Variants in HERC2 observed in about 807,000 individuals in gnomAD.
HERC2 encodes the protein E3 ubiquitin-protein ligase HERC2.
In HERC2, 102 loss-of-function variants were observed where a neutral mutation model predicts 537.7. The ratio of observed to expected loss-of-function variants is 0.19; its 90% CI spans 0.16 to 0.22. The LOEUF (loss-of-function observed/expected upper bound fraction) is 0.22. Ranked by LOEUF, HERC2 falls within the 10% of genes least tolerant of loss-of-function variation. The probability of loss-of-function intolerance (pLI) is 1.00; values close to 1 mark genes in which losing one functional copy is unlikely to be tolerated. For missense variants in HERC2, 4,236 were observed against 6,198.2 expected (o/e 0.68, Z 10.63); for synonymous variants, 2,224 against 2,466.2 (o/e 0.90, Z 2.91).
intron 17 of HERC2, 47 bp downstream of exon 17, chr15:28,257,014 C>G (rs760835975): frequency 4.6e-6 from 7 of 1,509,200 alleles, no homozygotes; most frequent in East Asian, 4.5e-5. Context: ...CTTACAAATC[C>G]CTAAGACACT....
chr15:28,244,261 A>G (rs1344903753), intron 23 of HERC2, among the ~76,000 whole-genome samples: 5 of 152,238 alleles, frequency 3.3e-5, no homozygotes, highest in Admixed American at 2.6e-4. Flanking sequence ...TATTCAAACA[A>G]AAGTATACTA....
rs1218106783 is a variant in HERC2 at position 28,222,005 on chromosome 15, G to A, written c.5652+23C>T. 3 of 1,093,116 alleles carry A rather than the reference G, an allele frequency of 2.7e-6. No homozygotes were observed. In the African/African-American group the frequency reaches 4.2e-5, roughly 15 times the overall value. The allele number at this position is 1,093,116 out of a possible 1,614,324, so 67.7% of individuals were successfully genotyped here. A position where few individuals can be genotyped will look rare whatever the true frequency, so the allele number is the denominator to read the frequency against. On this transcript the variant is annotated intron_variant, in intron 36 of 92. Transcript: ENST00000261609. ...AAGATAACTAATGTGTGGCTAATGT[G>A]TTCACATCAAATCTCTGAGTACCTG...
At chr15:28,173,771 C>CCAGCCTGGGCAA (rs778571622) in intron 65 of HERC2, among the ~76,000 whole-genome samples, 16 of 147,008 alleles carry the variant, frequency 1.1e-4, no homozygotes, top group Non-Finnish European at 1.8e-4. Context: ...CCACTGCACT[C>CCAGCCTGGGCAA]CAGAGTGAGA....
rs145116712 is a variant in HERC2 at position 28,167,667 on chromosome 15, AAAG to A, written c.10554+17_10554+19del. 2.5e-3 allele frequency: 4,059 copies of A among 1,613,528 alleles called. 88 individuals carry two copies. The African/African-American group carries it at 0.049, about 19-fold the overall frequency. ...TAAGATTATTTCACAATACAAAGTT[AAAG>A]AAGAACGCCTCTTCACCTCTTTGGT... On this transcript the variant is annotated intron_variant, in intron 68 of 92. Transcript: ENST00000261609.
At chr15:28,257,585 C>A (rs1348291971) in intron 16 of HERC2, among the ~76,000 whole-genome samples, 1 of 152,192 alleles carries the variant, frequency 6.6e-6, no homozygotes, top group African/African-American at 2.4e-5. Context: ...AATAGCAACT[C>A]TAACTAGACA....
intron 5 of HERC2, among the ~76,000 whole-genome samples, chr15:28,277,431 T>C (rs2075903588): frequency 6.6e-6 from 1 of 151,682 alleles, no homozygotes; most frequent in South Asian, 2.1e-4. Context: ...TCTATACTGG[T>C]TCTTACAACT....
At chr15:28,185,238 C>T (rs1896197774) in intron 56 of HERC2, among the ~76,000 whole-genome samples, 1 of 151,988 alleles carries the variant, frequency 6.6e-6, no homozygotes, top group East Asian at 2.0e-4. Flanking sequence ...GTCTATATAA[C>T]GTGCTCAACA....
At chr15:28,317,443 G>A (rs537744502) in intron 2 of HERC2, among the ~76,000 whole-genome samples, 7 of 152,342 alleles carry the variant, frequency 4.6e-5, no homozygotes, top group Admixed American at 1.3e-4. Flanking sequence ...ACATTTATGC[G>A]TAGTCATTCT....
At chr15:28,139,429 C>A (rs1050190833) in intron 78 of HERC2, among the ~76,000 whole-genome samples, 2 of 152,216 alleles carry the variant, frequency 1.3e-5, no homozygotes, top group Non-Finnish European at 2.9e-5. Context: ...GCCAACAGCT[C>A]ATAAGGGACT....
chr15:28,182,558 A>G lies in HERC2; in HGVS notation c.8826-46T>C, dbSNP rs200589745. The G allele has an allele frequency of 1.5e-4, 205 of 1,352,496 alleles. 1 individual carries two copies. The African/African-American group carries it at 2.7e-3, about 18-fold the overall frequency. The allele number at this position is 1,352,496 out of a possible 1,614,324, so 83.8% of individuals were successfully genotyped here. On this transcript the variant is annotated intron_variant, in intron 56 of 92. Transcript: ENST00000261609. Reference sequence around the variant, plus strand: ...AAGAAAAAGAAAAGAGAGGTTATTCAGCATAAAACATTTAAAAAATAAAAA... The same window carrying G: ...AAGAAAAAGAAAAGAGAGGTTATTCGGCATAAAACATTTAAAAAATAAAAA...
At chr15:28,165,479 G>A (rs1336289950) in intron 68 of HERC2, among the ~76,000 whole-genome samples, 9 of 152,026 alleles carry the variant, frequency 5.9e-5, no homozygotes, top group Admixed American at 5.2e-4. Flanking sequence ...TTCCATGTAC[G>A]TAAATATATA....
At chr15:28,197,549 C>T (rs1195481054) in intron 50 of HERC2, among the ~76,000 whole-genome samples, 4 of 152,066 alleles carry the variant, frequency 2.6e-5, no homozygotes, top group Admixed American at 6.6e-5. Context: ...GTAAGGAGTT[C>T]GAGACCAGCC....
Position 28,129,780 on chromosome 15 carries a change from C to CTTTTTTT in HERC2, c.12802+376_12802+382dup, listed in dbSNP as rs36068402. ...AGGACACAGTATAAGCCTCTGCCTCCTTTTTTTTTTTTTTTTTGAGACAGT... is the reference window on the plus strand; with the variant it reads ...AGGACACAGTATAAGCCTCTGCCTCCTTTTTTTTTTTTTTTTTTTTTTTTGAGACAGT... On this transcript the variant is annotated intron_variant, in intron 83 of 92. Transcript: ENST00000261609. 8.4e-5 allele frequency among the ~76,000 whole-genome samples: 12 copies of CTTTTTTT among 143,552 alleles called. 4 individuals carry two copies. Among genetic ancestry groups the CTTTTTTT allele is most frequent in the Non-Finnish European group, 7.6e-5 (5 of 65,892 alleles). The allele number at this position is 143,552 out of a possible 152,430, so 94.2% of individuals were successfully genotyped here. A position where few individuals can be genotyped will look rare whatever the true frequency, so the allele number is the denominator to read the frequency against.
intron 16 of HERC2, among the ~76,000 whole-genome samples, chr15:28,258,028 A>G (rs2140909413): frequency 6.6e-6 from 1 of 152,280 alleles, no homozygotes; most frequent in South Asian, 2.1e-4. Context: ...ACTAAGAGAG[A>G]ACATATCCTG....
rs1040846242 is a variant in HERC2 at position 28,179,318 on chromosome 15, C to T, written c.8938-95G>A. On this transcript the variant is annotated intron_variant, in intron 57 of 92. Transcript: ENST00000261609. ...CCTTATTATATGATACAAGGAATTACAGTTATGCACTGTGTAACATTTCAC... is the reference window on the plus strand; with the variant it reads ...CCTTATTATATGATACAAGGAATTATAGTTATGCACTGTGTAACATTTCAC... The T allele has an allele frequency of 3.3e-6, 3 of 910,030 alleles. 1 individual carries two copies. Among genetic ancestry groups the T allele is most frequent in the South Asian group, 3.1e-5 (2 of 64,036 alleles). 56.4% of individuals were successfully genotyped at this position (910,030 alleles called of 1,614,324 possible). A position where few individuals can be genotyped will look rare whatever the true frequency, so the allele number is the denominator to read the frequency against.
Position 28,265,536 on chromosome 15 carries a change from A to T in HERC2, c.1870+82T>A. 8.4e-7 allele frequency: 1 copy of T among 1,187,462 alleles called. No individual in the cohort carries two copies. Among genetic ancestry groups the T allele is most frequent in the South Asian group, 1.3e-5 (1 of 78,156 alleles). 73.6% of individuals were successfully genotyped at this position (1,187,462 alleles called of 1,614,324 possible). On this transcript the variant is annotated intron_variant, in intron 14 of 92. Coordinates refer to ENST00000261609, the MANE Select transcript of HERC2 (RefSeq NM_004667.6). This position sits in a 1 kb window ranked among gnomAD's most constrained non-coding sequence, Gnocchi z 4.0. The stretch of plus-strand genomic sequence containing the variant: ...CAGGGTGGGTGGCCTCGTGAGGCCC[A>T]CTGTACTCATCTCACTTCCTCCAGG...
Position 28,146,151 on chromosome 15 carries a change from C to A in HERC2, c.11008+86G>T, listed in dbSNP as rs1891709469. On this transcript the variant is annotated intron_variant, in intron 71 of 92. Coordinates refer to ENST00000261609, the MANE Select transcript of HERC2 (RefSeq NM_004667.6). ...TAAGACTTCCATGAGAATACGAAGGCAGCATTCTGTCCTACAAATGTGAAG... is the reference window on the plus strand; with the variant it reads ...TAAGACTTCCATGAGAATACGAAGGAAGCATTCTGTCCTACAAATGTGAAG... The A allele has an allele frequency of 1.6e-5, 14 of 893,582 alleles. No homozygotes were observed. In the South Asian group the frequency reaches 2.0e-4, roughly 13 times the overall value. 55.4% of individuals were successfully genotyped at this position (893,582 alleles called of 1,614,324 possible).
At chr15:28,243,080 G>A (rs948328534) in intron 23 of HERC2, among the ~76,000 whole-genome samples, 8 of 152,202 alleles carry the variant, frequency 5.3e-5, no homozygotes, top group African/African-American at 1.9e-4. Context: ...GGGAAAAGCT[G>A]CAAGATCAGA....
intron 87 of HERC2, 48 bp downstream of exon 87, chr15:28,116,965 C>T (rs1370374611): frequency 1.4e-5 from 22 of 1,612,716 alleles, no homozygotes; most frequent in Non-Finnish European, 1.8e-5. Flanking sequence ...TGGGCTCAGG[C>T]GACCACTGCC....
Sources: gnomAD v4.1 joint callset for allele counts (sites outside exome capture counted in the v4.1 genomes callset) on GRCh38, gnomAD v4.1.1 for gene constraint, Gnocchi (gnomAD v3.1) non-coding constraint, MANE v1.5 for transcripts, NCBI Gene and HGNC (gene_info 2026-07-23, HGNC 2026-07-21) for gene names.